The following RABGAP1L variants were observed in gnomAD, a reference collection of about 807,000 sequenced individuals.
RABGAP1L encodes the protein RAB GTPase activating protein 1 like.
In RABGAP1L, 63 loss-of-function variants were observed where a neutral mutation model predicts 137.7. The observed-to-expected ratio is 0.46, with a 90% CI of 0.37 to 0.56. The LOEUF is 0.56. Ranked by LOEUF, RABGAP1L falls within the 20% of genes least tolerant of loss-of-function variation. The pLI, the probability that RABGAP1L is intolerant of heterozygous loss-of-function variation, is 0.00. For missense variants in RABGAP1L, 1,095 were observed against 1,244.0 expected, an observed-to-expected ratio of 0.88 and a Z score of 1.80; for synonymous variants, 431 against 433.7, an observed-to-expected ratio of 0.99 and a Z score of 0.08.
chr1:174,636,027 A>C (rs1288596270), intron 13 of RABGAP1L, among the ~76,000 whole-genome samples: 1 of 152,234 alleles, frequency 6.6e-6, no homozygotes, highest in Non-Finnish European at 1.5e-5. Flanking sequence ...TGCAATTAGT[A>C]GTCTGATGTG....
intron 13 of RABGAP1L, among the ~76,000 whole-genome samples, chr1:174,582,323 T>A (rs1668805601): frequency 6.6e-6 from 1 of 151,966 alleles, no homozygotes; most frequent in Admixed American, 6.6e-5. Flanking sequence ...CCTAGAGACA[T>A]GCTTTGAAAA....
intron 19 of RABGAP1L, among the ~76,000 whole-genome samples, chr1:174,931,877 G>T (rs147483762): frequency 0.021 from 3,205 of 151,974 alleles, 54 homozygotes; most frequent in Non-Finnish European, 0.032. Flanking sequence ...GGCTTCTCTG[G>T]TAGAAGACAT....
intron 1 of RABGAP1L, among the ~76,000 whole-genome samples, chr1:174,201,046 T>G (rs550963903): frequency 6.6e-6 from 1 of 152,196 alleles, no homozygotes; most frequent in Non-Finnish European, 1.5e-5. Flanking sequence ...GTGCTCACTT[T>G]GGTCGTTAAT....
intron 11 of RABGAP1L, among the ~76,000 whole-genome samples, chr1:174,364,232 T>G (rs1304147685): frequency 2.7e-5 from 4 of 147,568 alleles, no homozygotes; most frequent in Non-Finnish European, 6.0e-5. Flanking sequence ...TCTGTTCAGC[T>G]TTTGGATTTC....
At chr1:174,758,226 C>T (rs572875953) in intron 18 of RABGAP1L, among the ~76,000 whole-genome samples, 1 of 151,880 alleles carries the variant, frequency 6.6e-6, no homozygotes, top group South Asian at 2.1e-4. Flanking sequence ...AAACATCTTC[C>T]CTTGGTTTCT....
At chr1:174,350,994 C>T (rs1683122264) in intron 11 of RABGAP1L, among the ~76,000 whole-genome samples, 1 of 116,862 alleles carries the variant, frequency 8.6e-6, no homozygotes, top group South Asian at 3.7e-4. Flanking sequence ...GCAGGAGAAT[C>T]AGGCAGGGAG....
chr1:174,338,980 G>C (rs1410664709), intron 11 of RABGAP1L, among the ~76,000 whole-genome samples: 1 of 152,062 alleles, frequency 6.6e-6, no homozygotes, highest in Non-Finnish European at 1.5e-5. Context: ...GCATATTTGT[G>C]AATAGATTTA....
chr1:174,360,728 G>A (rs1425252665), intron 11 of RABGAP1L, among the ~76,000 whole-genome samples: 1 of 152,146 alleles, frequency 6.6e-6, no homozygotes, highest in African/African-American at 2.4e-5. Context: ...CCCATCAGAG[G>A]TGGAGGGAGG....
chr1:174,850,644 C>G (rs1276203605), intron 19 of RABGAP1L, among the ~76,000 whole-genome samples: 1 of 152,162 alleles, frequency 6.6e-6, no homozygotes, highest in Non-Finnish European at 1.5e-5. Flanking sequence ...CTCCCTTCCC[C>G]AAAGATGTCC....
intron 19 of RABGAP1L, among the ~76,000 whole-genome samples, chr1:174,867,157 C>T (rs190933418): frequency 5.3e-5 from 8 of 151,862 alleles, no homozygotes; most frequent in Admixed American, 2.0e-4. Flanking sequence ...CTGAGGCGGC[C>T]GGATCACGAG....
At chr1:174,787,062 A>G (rs1335589974) in intron 18 of RABGAP1L, among the ~76,000 whole-genome samples, 1 of 152,158 alleles carries the variant, frequency 6.6e-6, no homozygotes, top group Non-Finnish European at 1.5e-5. Context: ...CATAAATGGG[A>G]CAGGATGCAA....
chr1:174,625,518 C>T (rs1248347139), intron 13 of RABGAP1L, among the ~76,000 whole-genome samples: 1 of 152,076 alleles, frequency 6.6e-6, no homozygotes, highest in South Asian at 2.1e-4. Flanking sequence ...ACTGGAGCCT[C>T]GCCTCCTGGG....
chr1:174,376,333 A>G (rs536242331), intron 12 of RABGAP1L, among the ~76,000 whole-genome samples: 102 of 151,470 alleles, frequency 6.7e-4, no homozygotes, highest in Non-Finnish European at 1.0e-3. Flanking sequence ...CTTTCCAGCT[A>G]ATTTATGTCA....
intron 13 of RABGAP1L, among the ~76,000 whole-genome samples, chr1:174,430,032 T>G (rs1003497775): frequency 1.3e-5 from 2 of 152,206 alleles, no homozygotes; most frequent in Admixed American, 6.5e-5. Flanking sequence ...TTTAAAATTG[T>G]ATTTCCCAAT....
At chr1:174,961,874 C>T (rs866568034) in intron 20 of RABGAP1L, among the ~76,000 whole-genome samples, 26 of 129,044 alleles carry the variant, frequency 2.0e-4, no homozygotes, top group African/African-American at 7.0e-4. Flanking sequence ...AAAAAAGAAA[C>T]GACCAGGTGC....
intron 5 of RABGAP1L, among the ~76,000 whole-genome samples, chr1:174,248,361 TA>T (rs1321277102): frequency 6.6e-6 from 1 of 152,238 alleles, no homozygotes; most frequent in South Asian, 2.1e-4. Flanking sequence ...TTTATTGTCT[TA>T]ATTATATAAG....
intron 13 of RABGAP1L, among the ~76,000 whole-genome samples, chr1:174,551,018 A>ATATATATATG (rs1274610187): frequency 7.7e-6 from 1 of 130,002 alleles, no homozygotes; most frequent in African/African-American, 3.3e-5. Context: ...ATATATATAT[A>ATATATATATG]TATACATACA....
intron 13 of RABGAP1L, among the ~76,000 whole-genome samples, chr1:174,612,905 C>T (rs1671402362): frequency 6.6e-6 from 1 of 151,152 alleles, no homozygotes; most frequent in Non-Finnish European, 1.5e-5. Flanking sequence ...TGGTGATATC[C>T]CCTTTATCAT....
At chr1:174,865,565 A>G (rs892231187) in intron 19 of RABGAP1L, among the ~76,000 whole-genome samples, 1 of 127,800 alleles carries the variant, frequency 7.8e-6, no homozygotes, top group African/African-American at 3.7e-5. Context: ...ATTATCCTCT[A>G]TAGATATCAG....
Sources: allele counts gnomAD v4.1 joint callset (sites outside exome capture counted in the v4.1 genomes callset), GRCh38; gene constraint gnomAD v4.1.1; transcripts MANE v1.5; gene names NCBI Gene and HGNC (gene_info 2026-07-23, HGNC 2026-07-21).